DCDC2: variants seen among roughly 807,000 people sequenced by gnomAD.
The protein encoded by DCDC2 is doublecortin domain containing 2, also known as doublecortin domain-containing protein 2.
In DCDC2, 40 loss-of-function variants were observed where a neutral mutation model predicts 50.2. The observed-to-expected ratio is 0.80, with a 90% confidence interval of 0.62 to 1.04. DCDC2 has a LOEUF of 1.04. Ranked by LOEUF, DCDC2 falls within the 50% of genes least tolerant of loss-of-function variation. The pLI is 0.00. For synonymous variants in DCDC2, 234 were observed against 210.6 expected, an observed-to-expected ratio of 1.11 and a Z score of -0.96; for missense variants, 570 against 581.9, an observed-to-expected ratio of 0.98 and a Z score of 0.21.
Position 24,353,629 on chromosome 6 carries a change from G to A in DCDC2, c.294-6C>T. 6.4e-7 allele frequency: 1 copy of A among 1,562,682 alleles called. No individual in the cohort carries two copies. The highest frequency in any genetic ancestry group is 1.9e-5 in the Admixed American group (1 of 53,208). On this transcript the variant is annotated splice_polypyrimidine_tract_variant and splice_region_variant and intron_variant, in intron 1 of 9. Transcript: ENST00000378454. The stretch of plus-strand genomic sequence containing the variant: ...TTTCTCCTATGTCCAAGTAACTGAG[G>A]AAAAAACAAACAAACAATAAGAGTT...
the DCDC2 span, among the ~76,000 whole-genome samples, chr6:24,367,972 T>C: frequency 1.3e-4 from 20 of 152,172 alleles, no homozygotes; most frequent in Admixed American, 2.6e-4. Flanking sequence ...TTTTAAAAAA[T>C]TGTGAAGCAG....
chr6:24,249,520 A>G (rs1432562346), intron 7 of DCDC2, among the ~76,000 whole-genome samples: 1 of 152,244 alleles, frequency 6.6e-6, no homozygotes, highest in Non-Finnish European at 1.5e-5. Context: ...AGAAGTTTCA[A>G]GATAAGGCAG....
chr6:24,249,557 A>G (rs373064194), intron 7 of DCDC2, among the ~76,000 whole-genome samples: 3 of 152,240 alleles, frequency 2.0e-5, no homozygotes, highest in Admixed American at 2.0e-4. Flanking sequence ...CAAAACGCCT[A>G]TATTTAGGTT....
intron 8 of DCDC2, among the ~76,000 whole-genome samples, chr6:24,202,251 G>A (rs974842744): frequency 5.3e-5 from 8 of 152,054 alleles, no homozygotes; most frequent in Non-Finnish European, 1.0e-4. Context: ...CTGGCAAACC[G>A]AATCCAGAAG....
chr6:24,347,421 C>T (rs1760285526), intron 2 of DCDC2, among the ~76,000 whole-genome samples: 1 of 152,140 alleles, frequency 6.6e-6, no homozygotes, highest in Admixed American at 6.5e-5. Flanking sequence ...TGGATAAGTT[C>T]TGCACCCACA....
upstream of DCDC2, among the ~76,000 whole-genome samples, chr6:24,362,405 A>ATACAATTATTTTTTATTTAATTGTATG (rs1561790917): frequency 5.1e-4 from 38 of 74,796 alleles, no homozygotes; most frequent in African/African-American, 6.7e-4. Flanking sequence ...TTAATTGTAT[A>ATACAATTATTTTTTATTTAATTGTATG]TTTATACAAT....
At chr6:24,301,512 C>T (rs1428789632) in intron 4 of DCDC2, among the ~76,000 whole-genome samples, 2 of 151,838 alleles carry the variant, frequency 1.3e-5, no homozygotes, top group East Asian at 3.9e-4. Flanking sequence ...GTGCCAATGA[C>T]TGTTTTAAGC....
rs1191100179 is a variant in DCDC2, at chr6:24,312,096, C to T, written c.349-10052G>A. The stretch of plus-strand genomic sequence containing the variant: ...ATTCCTTCTCCTGGACAGTGAGTCT[C>T]AGGAGCTCCCCACCGAGCACCTTGT... On this transcript the variant is annotated intron_variant, in intron 2 of 9. Transcript: ENST00000378454. 2.6e-5 allele frequency among the ~76,000 whole-genome samples: 4 copies of T among 152,058 alleles called. No homozygotes were observed. The East Asian group carries it at 5.8e-4, about 22-fold the overall frequency.
intron 2 of DCDC2, among the ~76,000 whole-genome samples, chr6:24,329,247 A>C (rs1214664076): frequency 6.6e-6 from 1 of 152,128 alleles, no homozygotes; most frequent in Non-Finnish European, 1.5e-5. Context: ...GTATGCACAC[A>C]AAAAAATAGC....
intron 2 of DCDC2, among the ~76,000 whole-genome samples, chr6:24,317,171 C>G (rs10456303): frequency 6.6e-6 from 1 of 151,786 alleles, no homozygotes; most frequent in Non-Finnish European, 1.5e-5. Flanking sequence ...ATGTTAGACT[C>G]AGGGACAATA....
At chr6:24,326,104 A>C (rs1480938178) in intron 2 of DCDC2, among the ~76,000 whole-genome samples, 1 of 148,120 alleles carries the variant, frequency 6.8e-6, no homozygotes, top group Non-Finnish European at 1.5e-5. Flanking sequence ...AGAGAGGAAA[A>C]AAGAGAGAAA....
At chr6:24,210,017 A>AGG (rs201560795) in intron 7 of DCDC2, among the ~76,000 whole-genome samples, 4,540 of 98,942 alleles carry the variant, frequency 0.046, 136 homozygotes, top group African/African-American at 0.11. Context: ...CAGCAGTATC[A>AGG]GGGTGTGTGT....
At chr6:24,220,853 G>GGAGAGAGACAGAGAGT (rs1561895379) in intron 7 of DCDC2, among the ~76,000 whole-genome samples, 1 of 31,308 alleles carries the variant, frequency 3.2e-5, no homozygotes. Flanking sequence ...CATGGCGGCA[G>GGAGAGAGACAGAGAGT]GAGAGAGACA....
chr6:24,209,290 TTAC>T (rs1761803404), intron 7 of DCDC2, among the ~76,000 whole-genome samples: 2 of 152,190 alleles, frequency 1.3e-5, no homozygotes, highest in Admixed American at 6.5e-5. Context: ...ATTCCCTTTA[TTAC>T]TACTAATTTA....
chr6:24,225,296 T>A (rs1240449118), intron 7 of DCDC2, among the ~76,000 whole-genome samples: 2 of 152,214 alleles, frequency 1.3e-5, no homozygotes, highest in African/African-American at 4.8e-5. Flanking sequence ...AAGTAACTCC[T>A]GAGCACCTGC....
At chr6:24,256,138 T>A (rs1008816203) in intron 7 of DCDC2, among the ~76,000 whole-genome samples, 1 of 152,094 alleles carries the variant, frequency 6.6e-6, no homozygotes, top group East Asian at 1.9e-4. Flanking sequence ...GGTTACAACA[T>A]AGTATGTGGT....
chr6:24,358,404 G>T (rs1277335581), upstream of DCDC2: 1 of 157,646 alleles, frequency 6.3e-6, no homozygotes, highest in South Asian at 2.1e-4. Context: ...CTAAGACCAG[G>T]AGTTCTAGAC....
intron 2 of DCDC2, among the ~76,000 whole-genome samples, chr6:24,336,517 A>C (rs1760059508): frequency 6.6e-6 from 1 of 152,200 alleles, no homozygotes; most frequent in African/African-American, 2.4e-5. Flanking sequence ...TATTTATATA[A>C]TAATGATCTC....
Position 24,353,586 on chromosome 6 carries a change from C to G in DCDC2, c.331G>C (p.Glu111Gln). 1.3e-6 allele frequency: 2 copies of G among 1,587,248 alleles called. No homozygotes were observed. The highest frequency in any genetic ancestry group is 1.7e-6 in the Non-Finnish European group (2 of 1,166,182). ...DIGEIKKRPM[E>Q]VVNTEVKPVI... ...TGCATTACCTCTGTATTAACAACTT[C>G]CATTGGTCTTTTCTTGATTTCTCCT... Residue 111 changes from glutamate (E) to glutamine (Q), a missense_variant, in exon 2 of 10, where the codon GAA (glutamate) becomes CAA (glutamine). Coordinates refer to ENST00000378454, the MANE Select transcript of DCDC2 (RefSeq NM_016356.5).
Sources: allele counts gnomAD v4.1 joint callset (sites outside exome capture counted in the v4.1 genomes callset), GRCh38; gene constraint gnomAD v4.1.1; transcripts MANE v1.5; gene names NCBI Gene and HGNC (gene_info 2026-07-23, HGNC 2026-07-21).